The following PLA2G4A variants were observed in gnomAD, a reference collection of about 807,000 sequenced individuals.
The protein encoded by PLA2G4A is phospholipase A2 group IVA.
PLA2G4A carries 40 observed loss-of-function variants against 81.9 expected under a neutral mutation model. The observed-to-expected ratio is 0.49, with a 90% CI of 0.38 to 0.64. The LOEUF is 0.64. Among genes scored for constraint, PLA2G4A ranks in the 30% least tolerant of loss-of-function variants. PLA2G4A has a pLI of 0.00. For synonymous variants in PLA2G4A, 302 were observed against 296.9 expected, an observed-to-expected ratio of 1.02 and a Z score of -0.18; for missense variants, 715 against 905.1, an observed-to-expected ratio of 0.79 and a Z score of 2.69.
intron 2 of PLA2G4A, among the ~76,000 whole-genome samples, chr1:186,866,480 A>G (rs569058280): frequency 4.1e-4 from 62 of 152,030 alleles, no homozygotes; most frequent in Non-Finnish European, 7.6e-4. Context: ...AATCACACCT[A>G]TTCTTTAGGG....
chr1:186,936,264 A>G (rs1655940304), intron 8 of PLA2G4A, among the ~76,000 whole-genome samples: 1 of 151,964 alleles, frequency 6.6e-6, no homozygotes, highest in African/African-American at 2.4e-5. Flanking sequence ...TTCTTAGAAC[A>G]ATGAAAAAAG....
chr1:186,988,231 T>A (rs571418556), intron 17 of PLA2G4A, 146 bp from the exon 18 acceptor site: 2 of 555,486 alleles, frequency 3.6e-6, no homozygotes, highest in Admixed American at 2.8e-5. Flanking sequence ...TGAATTTAAA[T>A]GTGTATGCAT....
intron 14 of PLA2G4A, among the ~76,000 whole-genome samples, chr1:186,964,801 G>A (rs1657076682): frequency 6.6e-6 from 1 of 152,152 alleles, no homozygotes; most frequent in African/African-American, 2.4e-5. Flanking sequence ...TTCAGCATCT[G>A]GAATCATATC....
At chr1:186,945,678 G>A (rs1015406453) in intron 10 of PLA2G4A, among the ~76,000 whole-genome samples, 1 of 152,110 alleles carries the variant, frequency 6.6e-6, no homozygotes, top group Non-Finnish European at 1.5e-5. Flanking sequence ...CCTGAAGTGA[G>A]TAGTGGCATG....
At chr1:186,835,486 A>C (rs1408232592) in intron 1 of PLA2G4A, among the ~76,000 whole-genome samples, 1 of 152,220 alleles carries the variant, frequency 6.6e-6, no homozygotes, top group Non-Finnish European at 1.5e-5. Flanking sequence ...CTAAAGATGC[A>C]CACAGTTATG....
chr1:186,837,726 G>A (rs1651833770), intron 1 of PLA2G4A, among the ~76,000 whole-genome samples: 1 of 92,046 alleles, frequency 1.1e-5, no homozygotes, highest in African/African-American at 4.9e-5. Flanking sequence ...GACAGAGAGA[G>A]ACTCCGTCTC....
At chr1:186,970,501 T>C (rs1230102547) in intron 15 of PLA2G4A, among the ~76,000 whole-genome samples, 1 of 152,106 alleles carries the variant, frequency 6.6e-6, no homozygotes, top group African/African-American at 2.4e-5. Flanking sequence ...TCCTGGAGTG[T>C]TTTCCCAATG....
intron 7 of PLA2G4A, among the ~76,000 whole-genome samples, chr1:186,924,286 A>G (rs545476201): frequency 5.3e-5 from 8 of 152,300 alleles, no homozygotes; most frequent in Admixed American, 5.2e-4. Context: ...CCTTACCTTC[A>G]CAAACGTCTC....
At chr1:186,884,384 G>A (rs568392754) in intron 3 of PLA2G4A, among the ~76,000 whole-genome samples, 217 of 151,608 alleles carry the variant, frequency 1.4e-3, no homozygotes, top group African/African-American at 5.1e-3. Context: ...GTGGGTGGAG[G>A]GGAAGGATAG....
At chr1:186,966,317 G>C (rs1179283103) in intron 15 of PLA2G4A, among the ~76,000 whole-genome samples, 3 of 151,938 alleles carry the variant, frequency 2.0e-5, no homozygotes, top group African/African-American at 7.3e-5. Context: ...AGAGAGGAGA[G>C]ATGAGATATA....
chr1:186,934,156 T>A (rs1024764243), intron 8 of PLA2G4A, among the ~76,000 whole-genome samples: 1 of 152,054 alleles, frequency 6.6e-6, no homozygotes, highest in African/African-American at 2.4e-5. Context: ...GTTCACCTAC[T>A]CAATCATTTT....
At chr1:186,920,040 G>C (rs961467347) in intron 7 of PLA2G4A, among the ~76,000 whole-genome samples, 2 of 152,180 alleles carry the variant, frequency 1.3e-5, no homozygotes, top group Non-Finnish European at 2.9e-5. Flanking sequence ...CTATGAGCAC[G>C]GGGGCTTGGT....
In PLA2G4A at chr1:186,850,613, G is replaced by A. The variant is rs183213057; in HGVS notation, c.-69-3673G>A. 1.7e-4 allele frequency among the ~76,000 whole-genome samples: 26 copies of A among 152,220 alleles called. No individual in the cohort carries two copies. In the East Asian group the frequency reaches 4.6e-3, roughly 27 times the overall value. ...GAATGAACAAAGTATCTCCTATGAA[G>A]CTACTGTTCGTGAATTGAATGGCCA... On this transcript the variant is annotated intron_variant, in intron 1 of 17. Transcript: ENST00000367466.
At chr1:186,912,483 C>G (rs6425054) in intron 7 of PLA2G4A, among the ~76,000 whole-genome samples, 145,841 of 152,044 alleles carry the variant, frequency 0.96, 69,986 homozygotes, top group East Asian at 1. Flanking sequence ...CCTACCCCTG[C>G]ACCACTGATA....
At chr1:186,973,066 T>C (rs1657411537) in intron 15 of PLA2G4A, among the ~76,000 whole-genome samples, 1 of 152,226 alleles carries the variant, frequency 6.6e-6, no homozygotes, top group East Asian at 1.9e-4. Flanking sequence ...CAGCATTTAA[T>C]GTAGTACTTC....
At chr1:186,961,170 TG>T (rs56076902) in intron 14 of PLA2G4A, among the ~76,000 whole-genome samples, 145,571 of 151,950 alleles carry the variant, frequency 0.96, 69,773 homozygotes, top group East Asian at 1. Context: ...TACCAGAAGC[TG>T]GGGGGGGATT....
chr1:186,936,316 T>G (rs1655942328), intron 8 of PLA2G4A, among the ~76,000 whole-genome samples: 1 of 151,886 alleles, frequency 6.6e-6, no homozygotes, highest in Non-Finnish European at 1.5e-5. Context: ...TGTGACAGGA[T>G]CAAAGGTCAA....
intron 1 of PLA2G4A, among the ~76,000 whole-genome samples, chr1:186,851,336 A>T (rs1160236288): frequency 1.3e-5 from 2 of 152,002 alleles, no homozygotes; most frequent in Non-Finnish European, 2.9e-5. Flanking sequence ...TAGGAGCTTT[A>T]TGTGGACCAT....
intron 14 of PLA2G4A, among the ~76,000 whole-genome samples, chr1:186,958,325 A>G (rs1656827509): frequency 6.6e-6 from 1 of 152,184 alleles, no homozygotes; most frequent in South Asian, 2.1e-4. Flanking sequence ...CATCCAAAAT[A>G]AAAATACACT....
Sources: gnomAD v4.1 joint callset for allele counts (sites outside exome capture counted in the v4.1 genomes callset) on GRCh38, gnomAD v4.1.1 for gene constraint, MANE v1.5 for transcripts, NCBI Gene and HGNC (gene_info 2026-07-23, HGNC 2026-07-21) for gene names.